Variants in MON2 observed in about 807,000 individuals in gnomAD.
MON2 encodes the protein MON2 regulator of endosome-to-Golgi trafficking.
Under a neutral mutation model 208.6 loss-of-function variants are expected in MON2, and 84 were observed. That is an observed-to-expected ratio of 0.40 (90% CI 0.34 to 0.48). The LOEUF is 0.48. Among genes scored for constraint, MON2 ranks in the 20% least tolerant of loss-of-function variants. MON2 has a pLI of 0.59. For synonymous variants in MON2, 660 were observed against 694.0 expected (o/e 0.95, Z 0.77); for missense variants, 1,611 against 2,015.4 (o/e 0.80, Z 3.84).
At chr12:62,515,402 G>A (rs536198328) in intron 8 of MON2, among the ~76,000 whole-genome samples, 6 of 152,316 alleles carry the variant, frequency 3.9e-5, no homozygotes, top group African/African-American at 1.4e-4. Context: ...CCACTTATGC[G>A]TGGTACCTTG....
At chr12:62,485,037 A>G (rs1291952788) in intron 2 of MON2, 1 of 151,978 alleles carries the variant, frequency 6.6e-6, no homozygotes, top group Admixed American at 6.6e-5. Context: ...TGAGATGTGA[A>G]GAGGTTAAGT....
At position 62,524,618 on chromosome 12, in the gene MON2, G is replaced by C; in HGVS notation, c.1088G>C (p.Cys363Ser). Reference protein sequence around the residue: ...AVAVESIHRFCVQPQLLRSFC... With the variant: ...AVAVESIHRFSVQPQLLRSFC... The stretch of plus-strand genomic sequence containing the variant: ...GCGGTGGAATCAATACACAGATTCT[G>C]TGTGCAGCCTCAACTATTAAGGTAA... Residue 363 changes from cysteine to serine, a missense_variant, in exon 9 of 35, where the codon TGT becomes TCT. Coordinates refer to ENST00000393630, the MANE Select transcript of MON2 (RefSeq NM_015026.3). 6.2e-7 allele frequency: 1 copy of C among 1,613,314 alleles called. No individual in the cohort carries two copies. The highest frequency in any genetic ancestry group is 8.5e-7 in the Non-Finnish European group (1 of 1,179,526).
intron 8 of MON2, among the ~76,000 whole-genome samples, chr12:62,511,492 G>A (rs1255602752): frequency 1.3e-5 from 2 of 152,158 alleles, no homozygotes; most frequent in African/African-American, 2.4e-5. Context: ...TGAAAAGGGT[G>A]CCAAGACCAG....
intron 19 of MON2, among the ~76,000 whole-genome samples, chr12:62,540,146 T>C (rs1232505113): frequency 6.6e-6 from 1 of 152,170 alleles, no homozygotes; most frequent in African/African-American, 2.4e-5. Context: ...TATATGGTAA[T>C]GTTTTCAGAA....
intron 19 of MON2, among the ~76,000 whole-genome samples, chr12:62,539,501 T>C (rs981232776): frequency 1.3e-5 from 2 of 151,200 alleles, no homozygotes; most frequent in African/African-American, 4.9e-5. Context: ...TCTCCTGACC[T>C]TGTGATCCGC....
At chr12:62,565,490 A>C in intron 27 of MON2, 110 bp downstream of exon 27, 1 of 953,614 alleles carries the variant, frequency 1.0e-6, no homozygotes, top group Non-Finnish European at 1.5e-6. Flanking sequence ...CTTTTCACTC[A>C]CAAATATATT....
chr12:62,474,470 G>T (rs182238235), intron 1 of MON2, among the ~76,000 whole-genome samples: 4 of 151,836 alleles, frequency 2.6e-5, no homozygotes, highest in Admixed American at 2.6e-4. Context: ...TGTTATCCAG[G>T]CTGGAGTGCA....
In MON2 at chr12:62,466,843, C is replaced by T. The variant is rs976960514; in HGVS notation, c.-365C>T. 4.1e-5 allele frequency: 17 copies of T among 410,424 alleles called. No individual in the cohort carries two copies. Among genetic ancestry groups the T allele is most frequent in the African/African-American group, 3.3e-4 (16 of 48,770 alleles). 25.4% of individuals were successfully genotyped at this position (410,424 alleles called of 1,614,324 possible). On this transcript the variant is annotated 5_prime_UTR_variant, in exon 1 of 35. Transcript: ENST00000393630. The stretch of plus-strand genomic sequence containing the variant: ...TTGTGGGCGACTCGGCTAATGGCGT[C>T]GGCGAGTCTTAGGGGCCTGGGGAGC...
In MON2 at chr12:62,525,150, A is replaced by G; in HGVS notation, c.1176A>G (p.Ala392=). 1.9e-6 allele frequency: 3 copies of G among 1,612,194 alleles called. No individual in the cohort carries two copies. Among genetic ancestry groups the G allele is most frequent in the Non-Finnish European group, 2.5e-6 (3 of 1,178,326 alleles). The change falls in exon 10 of 35, where the codon GCA becomes GCG. Residue 392 remains alanine (A), a synonymous_variant. Transcript: ENST00000393630. ...STKVFRDIVN[A]LGSFIQSLFL... is the part of the protein sequence containing the mutation. ...AGGTTTTTCGTGATATTGTAAATGCACTGGGATCTTTTATACAGTCCTTGT... is the reference window on the plus strand; with the variant it reads ...AGGTTTTTCGTGATATTGTAAATGCGCTGGGATCTTTTATACAGTCCTTGT...
rs765243715 is a variant in MON2, at chr12:62,597,067, A to G, written c.*4318A>G. 1.3e-5 allele frequency: 2 copies of G among 152,202 alleles called. No individual in the cohort carries two copies. Among genetic ancestry groups the G allele is most frequent in the Non-Finnish European group, 2.9e-5 (2 of 68,028 alleles). The allele number at this position is 152,202 out of a possible 1,614,324, so 9.4% of individuals were successfully genotyped here. On this transcript the variant is annotated 3_prime_UTR_variant, in exon 35 of 35. Transcript: ENST00000393630. ...AAACAGAGATGATGATCAATGAGTT[A>G]CTAATTCTTTAGAGGAAAAAATGCA...
At position 62,594,590 on chromosome 12, in the gene MON2, G is replaced by A. The variant is rs1044173905; in HGVS notation, c.*1841G>A. Reference sequence around the variant, plus strand: ...CAGAATAACCCAAGGGTAGTGTACCGATTCAGTAACATGTTAAAAATATTG... The same window carrying A: ...CAGAATAACCCAAGGGTAGTGTACCAATTCAGTAACATGTTAAAAATATTG... On this transcript the variant is annotated 3_prime_UTR_variant, in exon 35 of 35. Transcript: ENST00000393630. 6 of 152,132 alleles carry A rather than the reference G, an allele frequency of 3.9e-5. No individual in the cohort carries two copies. Among genetic ancestry groups the A allele is most frequent in the Admixed American group, 1.3e-4 (2 of 15,270 alleles). 9.4% of individuals were successfully genotyped at this position (152,132 alleles called of 1,614,324 possible). A position where few individuals can be genotyped will look rare whatever the true frequency, so the allele number is the denominator to read the frequency against.
intron 1 of MON2, among the ~76,000 whole-genome samples, chr12:62,477,744 C>G (rs1381310216): frequency 6.6e-6 from 1 of 152,196 alleles, no homozygotes; most frequent in Non-Finnish European, 1.5e-5. Context: ...ATCCTCCTAA[C>G]TGCTCCCCAC....
intron 25 of MON2, among the ~76,000 whole-genome samples, chr12:62,557,158 A>G (rs148363595): frequency 5.3e-5 from 8 of 152,332 alleles, no homozygotes; most frequent in African/African-American, 1.7e-4. Context: ...TCATGATTTG[A>G]CATGATCAAA....
At position 62,571,490 on chromosome 12, in the gene MON2, ACCTGT is replaced by A; in HGVS notation, c.4423_4427del (p.Pro1475CysfsTer11). 6.2e-7 allele frequency: 1 copy of A among 1,613,820 alleles called. No homozygotes were observed. Among genetic ancestry groups the A allele is most frequent in the Non-Finnish European group, 8.5e-7 (1 of 1,179,716 alleles). On this transcript the variant is annotated frameshift_variant, in exon 30 of 35. Coordinates refer to ENST00000393630, the MANE Select transcript of MON2 (RefSeq NM_015026.3). LOFTEE classifies it high-confidence loss of function. ...TCCTCAGAGTTCTTTCTATTGGGCT[ACCTGT>A]TGCCCGGCAGCATGCTTCTTCTGGA...
At chr12:62,531,420 C>T (rs2072636934) in intron 11 of MON2, among the ~76,000 whole-genome samples, 1 of 152,162 alleles carries the variant, frequency 6.6e-6, no homozygotes, top group Admixed American at 6.5e-5. Context: ...AGGACCATCA[C>T]TCTTCTGCAT....
Position 62,565,305 on chromosome 12 carries a change from T to G in MON2, c.4101T>G (p.Phe1367Leu). 6.2e-7 allele frequency: 1 copy of G among 1,613,184 alleles called. No individual in the cohort carries two copies. The highest frequency in any genetic ancestry group is 1.1e-5 in the South Asian group (1 of 91,040). ...CTATATTTGACCAGTTGTTGGCATT[T>G]GTAGAATTTTCCTGTAAACCTCCAC... is the stretch of plus-strand genomic sequence containing the variant. ...YPAIFDQLLAFVEFSCKPPQY... is the reference protein window; with the variant it reads ...YPAIFDQLLALVEFSCKPPQY... Residue 1367 changes from phenylalanine to leucine, a missense_variant, in exon 27 of 35, where the codon TTT (phenylalanine) becomes TTG (leucine). By Grantham distance (22) the Phe-to-Leu change is conservative. Transcript: ENST00000393630.
chr12:62,501,379 A>G (rs190599170), intron 6 of MON2, among the ~76,000 whole-genome samples, 194 bp from the exon 7 acceptor site: 12 of 152,334 alleles, frequency 7.9e-5, no homozygotes, highest in Non-Finnish European at 1.8e-4. Context: ...TAGTTATATG[A>G]TTCTTTAGAA....
chr12:62,499,183 T>G (rs1455091531), intron 5 of MON2, 135 bp downstream of exon 5: 1 of 896,352 alleles, frequency 1.1e-6, no homozygotes, highest in Non-Finnish European at 1.6e-6. Flanking sequence ...TCCTCACAAT[T>G]TGATCCCCTG....
At chr12:62,493,286 A>G (rs2070282871) in intron 2 of MON2, among the ~76,000 whole-genome samples, 1 of 152,158 alleles carries the variant, frequency 6.6e-6, no homozygotes, top group Non-Finnish European at 1.5e-5. Flanking sequence ...CCACTTAAAA[A>G]CTTCTGAGTG....
Sources: allele counts gnomAD v4.1 joint callset (sites outside exome capture counted in the v4.1 genomes callset), GRCh38; gene constraint gnomAD v4.1.1; transcripts MANE v1.5; gene names NCBI Gene and HGNC (gene_info 2026-07-23, HGNC 2026-07-21).